Variants in YAP1 observed in about 807,000 individuals in gnomAD.
The protein encoded by YAP1 is transcriptional coactivator YAP1.
Under a neutral mutation model 56.9 loss-of-function variants are expected in YAP1, and 5 were observed. The observed-to-expected ratio is 0.09, with a 90% CI of 0.05 to 0.18. The LOEUF is 0.18. Ranked by LOEUF, YAP1 falls within the 10% of genes least tolerant of loss-of-function variation. The pLI, the probability that YAP1 is intolerant of heterozygous loss-of-function variation, is 1.00. For missense variants in YAP1, 539 were observed against 651.8 expected (o/e 0.83, Z 1.88); for synonymous variants, 265 against 248.1 (o/e 1.07, Z -0.64).
At chr11:102,133,050 C>A (rs1944459479) in intron 2 of YAP1, among the ~76,000 whole-genome samples, 1 of 152,002 alleles carries the variant, frequency 6.6e-6, no homozygotes, top group African/African-American at 2.4e-5. Flanking sequence ...CCCAGCTACT[C>A]TGGAGGCTGA....
chr11:102,212,165 T>C (rs1301530213), intron 6 of YAP1, among the ~76,000 whole-genome samples: 3 of 152,166 alleles, frequency 2.0e-5, no homozygotes, highest in South Asian at 2.1e-4. Flanking sequence ...TTTTAACTTA[T>C]ACTTTGTAAT....
chr11:102,179,974 T>A (rs2135478630), intron 3 of YAP1, among the ~76,000 whole-genome samples: 1 of 152,118 alleles, frequency 6.6e-6, no homozygotes, highest in Non-Finnish European at 1.5e-5. Flanking sequence ...CAAAGGATTT[T>A]AATTACATTC....
At chr11:102,200,296 A>G (rs371475474) in intron 4 of YAP1, among the ~76,000 whole-genome samples, 14 of 152,376 alleles carry the variant, frequency 9.2e-5, no homozygotes, top group African/African-American at 3.1e-4. Context: ...CATACAACAG[A>G]AAAAATTGCA....
intron 6 of YAP1, among the ~76,000 whole-genome samples, chr11:102,215,075 A>G (rs922065565): frequency 6.6e-6 from 1 of 152,240 alleles, no homozygotes; most frequent in South Asian, 2.1e-4. Context: ...GCATTGGCTC[A>G]GTGTTTTAAT....
At chr11:102,224,045 G>A (rs1190900784) in intron 7 of YAP1, among the ~76,000 whole-genome samples, 2 of 152,206 alleles carry the variant, frequency 1.3e-5, no homozygotes, top group African/African-American at 2.4e-5. Flanking sequence ...GAATCATGAA[G>A]GAACATGTGA....
At chr11:102,162,698 T>A in intron 3 of YAP1, 127 bp downstream of exon 3, 1 of 882,396 alleles carries the variant, frequency 1.1e-6, no homozygotes, top group Non-Finnish European at 1.8e-6. Context: ...CTCTCCAGTT[T>A]CATACAGAAG....
At chr11:102,173,251 G>A (rs993568327) in intron 3 of YAP1, among the ~76,000 whole-genome samples, 1 of 152,084 alleles carries the variant, frequency 6.6e-6, no homozygotes, top group African/African-American at 2.4e-5. Context: ...TATTGCTAGT[G>A]GTAAGATGAT....
In YAP1 at chr11:102,176,745, CAAAAAAAAAAAAAAAAAAAAAA is replaced by C. The variant is rs57082707; in HGVS notation, c.689-9263_689-9242del. 1.1e-4 allele frequency among the ~76,000 whole-genome samples: 5 copies of C among 45,514 alleles called. No homozygotes were observed. In the East Asian group the frequency reaches 4.1e-3, roughly 38 times the overall value. The allele number at this position is 45,514 out of a possible 152,430, so 29.9% of individuals were successfully genotyped here. A position where few individuals can be genotyped will look rare whatever the true frequency, so the allele number is the denominator to read the frequency against. ...TGGGCAACAGAGTAAGACTCCGTCTCAAAAAAAAAAAAAAAAAAAAAAAAAAAAAAAGAGTAGAATTTCAGTG... is the reference window on the plus strand; with the variant it reads ...TGGGCAACAGAGTAAGACTCCGTCTCAAAAAAAAAGAGTAGAATTTCAGTG... On this transcript the variant is annotated intron_variant, in intron 3 of 8. Transcript: ENST00000282441.
intron 2 of YAP1, among the ~76,000 whole-genome samples, chr11:102,137,606 C>T (rs1944754181): frequency 6.6e-6 from 1 of 152,152 alleles, no homozygotes; most frequent in South Asian, 2.1e-4. Flanking sequence ...ACTTTGCTGC[C>T]TCTCCCTGCT....
intron 3 of YAP1, among the ~76,000 whole-genome samples, chr11:102,170,398 G>A (rs1946835905): frequency 6.6e-6 from 1 of 152,058 alleles, no homozygotes; most frequent in Non-Finnish European, 1.5e-5. Flanking sequence ...ATTATCCACA[G>A]TAACTATCTA....
At chr11:102,220,247 G>A (rs1241453899) in intron 6 of YAP1, among the ~76,000 whole-genome samples, 1 of 151,850 alleles carries the variant, frequency 6.6e-6, no homozygotes, top group Non-Finnish European at 1.5e-5. Flanking sequence ...CCCTGAATAG[G>A]GGCTTGAGAT....
At chr11:102,200,322 G>T (rs919570282) in intron 4 of YAP1, among the ~76,000 whole-genome samples, 1 of 152,128 alleles carries the variant, frequency 6.6e-6, no homozygotes, top group South Asian at 2.1e-4. Context: ...TCAGATTTGA[G>T]TTGCCAAGTA....
intron 3 of YAP1, among the ~76,000 whole-genome samples, chr11:102,164,475 T>C (rs1945005897): frequency 1.4e-5 from 2 of 145,316 alleles, no homozygotes; most frequent in Non-Finnish European, 1.6e-5. Flanking sequence ...TGATTCACAT[T>C]ATTCATTTTG....
At chr11:102,122,613 G>T (rs1025714170) in intron 2 of YAP1, among the ~76,000 whole-genome samples, 3 of 152,044 alleles carry the variant, frequency 2.0e-5, no homozygotes, top group African/African-American at 7.2e-5. Flanking sequence ...AAAAGAGCAG[G>T]CTGGGTATGG....
intron 3 of YAP1, among the ~76,000 whole-genome samples, chr11:102,162,811 G>A (rs1565217646): frequency 6.6e-6 from 1 of 152,176 alleles, no homozygotes; most frequent in Non-Finnish European, 1.5e-5. Context: ...TTAAGATTTG[G>A]TTCTGAAGCG....
In YAP1 at chr11:102,114,403, A is replaced by AATT. The variant is rs1211064100; in HGVS notation, c.572+10_572+11insTTA. The stretch of plus-strand genomic sequence containing the variant: ...CAGAGATACTTCTTAAAGTAAGTGA[A>AATT]AATAATGGTGGGAGACAGTTATCTA... On this transcript the variant is annotated intron_variant, in intron 2 of 8. Coordinates refer to ENST00000282441, the MANE Select transcript of YAP1 (RefSeq NM_001130145.3). 6.2e-7 allele frequency: 1 copy of AATT among 1,605,742 alleles called. No individual in the cohort carries two copies. The highest frequency in any genetic ancestry group is 1.7e-5 in the Admixed American group (1 of 59,916).
At position 102,162,521 on chromosome 11, in the gene YAP1, C is replaced by A. The variant is rs200650003; in HGVS notation, c.638C>A (p.Thr213Lys). 25 of 1,614,226 alleles carry A rather than the reference C, an allele frequency of 1.5e-5. No homozygotes were observed. In the African/African-American group the frequency reaches 2.8e-4, roughly 18 times the overall value. Residue 213 changes from threonine to lysine, a missense_variant, in exon 3 of 9, where the codon ACA becomes AAA. Physicochemically the swap from Thr to Lys is moderately conservative, Grantham distance 78. This residue lies in a region of YAP1 where 414 missense variants were observed against 512.4 expected (regional missense o/e 0.81). Coordinates refer to ENST00000282441, the MANE Select transcript of YAP1 (RefSeq NM_001130145.3). The part of the protein sequence containing the change: ...RKAMLSQMNV[T>K]APTSPPVQQN... ...GCCATGCTGTCCCAGATGAACGTCA[C>A]AGCCCCCACCAGTCCACCAGTGCAG... is the stretch of plus-strand genomic sequence containing the variant.
intron 3 of YAP1, among the ~76,000 whole-genome samples, chr11:102,177,817 C>A (rs372376807): frequency 6.6e-6 from 1 of 151,920 alleles, no homozygotes; most frequent in Non-Finnish European, 1.5e-5. Context: ...CTAGTATTGA[C>A]CCTGTGAGAG....
intron 2 of YAP1, among the ~76,000 whole-genome samples, chr11:102,122,867 G>A (rs1034435488): frequency 8.0e-6 from 1 of 125,172 alleles, no homozygotes; most frequent in African/African-American, 3.0e-5. Context: ...TTGCACTCTA[G>A]CCTGGGGGAC....
Sources: allele counts gnomAD v4.1 joint callset (sites outside exome capture counted in the v4.1 genomes callset), GRCh38; gene constraint gnomAD v4.1.1; regional missense constraint gnomAD v4.1.1; transcripts MANE v1.5; gene names NCBI Gene and HGNC (gene_info 2026-07-23, HGNC 2026-07-21).